Variants in NTHL1 observed in about 807,000 individuals in gnomAD.
The protein encoded by NTHL1 is nth like DNA glycosylase 1.
NTHL1 carries 32 observed loss-of-function variants against 32.3 expected under a neutral mutation model. The ratio of observed to expected loss-of-function variants is 0.99; its 90% CI spans 0.75 to 1.33. NTHL1 has a LOEUF of 1.33. Ranked by LOEUF, NTHL1 falls within the 40% of genes most tolerant of loss-of-function variation. The pLI, the probability that NTHL1 is intolerant of heterozygous loss-of-function variation, is 0.00. For synonymous variants in NTHL1, 188 were observed against 176.9 expected (o/e 1.06, Z -0.50); for missense variants, 501 against 414.1 (o/e 1.21, Z -1.82).
At chr16:2,042,039 C>A in intron 4 of NTHL1, 1 of 456,038 alleles carries the variant, frequency 2.2e-6, no homozygotes, top group Non-Finnish European at 4.4e-6. Flanking sequence ...AGGCTTGAGC[C>A]CTTGTACCCA....
intron 4 of NTHL1, among the ~76,000 whole-genome samples, chr16:2,041,031 G>A (rs1223168367): frequency 2.6e-5 from 4 of 152,214 alleles, no homozygotes; most frequent in South Asian, 2.1e-4. Context: ...CACCCCAGGC[G>A]TCTGCTCACT....
Position 2,047,534 on chromosome 16 carries a change from A to G in NTHL1, c.115+175T>C, listed in dbSNP as rs2084496543. On this transcript the variant is annotated intron_variant, in intron 1 of 5. Coordinates refer to ENST00000651570, the MANE Select transcript of NTHL1 (RefSeq NM_002528.7). The stretch of plus-strand genomic sequence containing the variant: ...CGAAACCCAGCCCCTGCGGACCGCA[A>G]TCTTTGGGAAAAAGGCGCAAGGTGG... 4 of 1,126,334 alleles carry G rather than the reference A, an allele frequency of 3.6e-6. No homozygotes were observed. In the South Asian group the frequency reaches 6.7e-5, roughly 19 times the overall value. 69.8% of individuals were successfully genotyped at this position (1,126,334 alleles called of 1,614,324 possible).
chr16:2,045,420 C>T (rs2084331808), intron 2 of NTHL1, among the ~76,000 whole-genome samples: 1 of 152,144 alleles, frequency 6.6e-6, no homozygotes, highest in Admixed American at 6.5e-5. Flanking sequence ...CTTCGTGAAT[C>T]ATCACACTAC....
Position 2,044,564 on chromosome 16 carries a change from C to G in NTHL1, c.525+66G>C. On this transcript the variant is annotated intron_variant, in intron 3 of 5. Coordinates refer to ENST00000651570, the MANE Select transcript of NTHL1 (RefSeq NM_002528.7). This position sits in a 1 kb window ranked among gnomAD's most constrained non-coding sequence, Gnocchi z 5.0. Reference sequence around the variant, plus strand: ...CACTTCCTGCACCGTCGCCACCCCCCTCAGCCTTCTGAGGTCTCTCTCAGG... The same window carrying G: ...CACTTCCTGCACCGTCGCCACCCCCGTCAGCCTTCTGAGGTCTCTCTCAGG... 6.3e-7 allele frequency: 1 copy of G among 1,590,666 alleles called. No homozygotes were observed. Among genetic ancestry groups the G allele is most frequent in the Non-Finnish European group, 8.5e-7 (1 of 1,174,608 alleles).
chr16:2,047,697 G>A lies in NTHL1; in HGVS notation c.115+12C>T, dbSNP rs1298293435. ...CGCCTCCTCCCACGCTCCAGCCACGGCGCGGCGCTACCTGCTGCAGCCTCT... is the reference window on the plus strand; with the variant it reads ...CGCCTCCTCCCACGCTCCAGCCACGACGCGGCGCTACCTGCTGCAGCCTCT... On this transcript the variant is annotated intron_variant, in intron 1 of 5. Coordinates refer to ENST00000651570, the MANE Select transcript of NTHL1 (RefSeq NM_002528.7). The A allele has an allele frequency of 1.3e-6, 2 of 1,570,540 alleles. No homozygotes were observed. Among genetic ancestry groups the A allele is most frequent in the East Asian group, 2.3e-5 (1 of 42,592 alleles).
At chr16:2,042,244 C>T (rs950071514) in intron 4 of NTHL1, 39 of 381,620 alleles carry the variant, frequency 1.0e-4, no homozygotes, top group African/African-American at 8.0e-4. Context: ...CCCCCACAGC[C>T]CTGCCCAACC....
In NTHL1 at chr16:2,040,007, C is replaced by G. The variant is rs139309757; in HGVS notation, c.832G>C (p.Gly278Arg). ...HEINGLLVGF[G>R]QQTCLPVHPR... ...TGCACAGGCAGACAGGTCTGCTGGC[C>G]GAAGCCCACCAAGAGTCCATTGATC... Residue 278 changes from glycine to arginine, a missense_variant, in exon 6 of 6, where the codon GGC becomes CGC. Gly to Arg is a moderately radical substitution (Grantham distance 125, BLOSUM62 -2). Coordinates refer to ENST00000651570, the MANE Select transcript of NTHL1 (RefSeq NM_002528.7). 1.2e-6 allele frequency: 2 copies of G among 1,611,498 alleles called. No individual in the cohort carries two copies. Among genetic ancestry groups the G allele is most frequent in the South Asian group, 2.2e-5 (2 of 91,082 alleles).
At position 2,046,226 on chromosome 16, in the gene NTHL1, G is replaced by C. The variant is rs2084372140; in HGVS notation, c.256C>G (p.Gln86Glu). 6.2e-7 allele frequency: 1 copy of C among 1,613,192 alleles called. No individual in the cohort carries two copies. Among genetic ancestry groups the C allele is most frequent in the South Asian group, 1.1e-5 (1 of 91,078 alleles). Residue 86 changes from glutamine (Q) to glutamate (E), a missense_variant, in exon 2 of 6, where the codon CAA becomes GAA. Gln to Glu is a conservative substitution (Grantham distance 29, BLOSUM62 2). Coordinates refer to ENST00000651570, the MANE Select transcript of NTHL1 (RefSeq NM_002528.7). The stretch of plus-strand genomic sequence containing the variant: ...ATGGCACGGATGTTGACCAGCTGTT[G>C]CTGCCAGTCCTGGGGCTCCCAGACT... The part of the protein sequence containing the change: ...VPVWEPQDWQ[Q>E]QLVNIRAMRN...
At position 2,045,058 on chromosome 16, in the gene NTHL1, C is replaced by T. The variant is rs145242456; in HGVS notation, c.355-258G>A. On this transcript the variant is annotated intron_variant, in intron 2 of 5. Coordinates refer to ENST00000651570, the MANE Select transcript of NTHL1 (RefSeq NM_002528.7). ...CTCAGTGCTTAGAATCGTATGTGGCCGGGCGTGGTGGCTCGCACCCGTCAT... is the reference window on the plus strand; with the variant it reads ...CTCAGTGCTTAGAATCGTATGTGGCTGGGCGTGGTGGCTCGCACCCGTCAT... Among the ~76,000 whole-genome samples the T allele has an allele frequency of 1.3e-3, 197 of 152,288 alleles. 3 individuals carry two copies. The highest frequency in any genetic ancestry group is 3.9e-3 in the South Asian group (19 of 4,822).
intron 4 of NTHL1, chr16:2,042,131 T>G (rs752506606): frequency 4.2e-5 from 19 of 455,460 alleles, no homozygotes; most frequent in South Asian, 2.9e-4. Context: ...TTGCAGGTGG[T>G]CAGGCCCACA....
chr16:2,042,556 G>C (rs1483376077), intron 4 of NTHL1, among the ~76,000 whole-genome samples: 1 of 152,116 alleles, frequency 6.6e-6, no homozygotes, highest in Non-Finnish European at 1.5e-5. Context: ...GCCTGGGATG[G>C]GGGCACACAG....
chr16:2,046,331 G>A lies in NTHL1; in HGVS notation c.151C>T (p.Arg51Trp), dbSNP rs376907606. 1.9e-5 allele frequency: 30 copies of A among 1,610,366 alleles called. No individual in the cohort carries two copies. Among genetic ancestry groups the A allele is most frequent in the Middle Eastern group, 1.6e-4 (1 of 6,074 alleles). ...RKSHSPVKRP[R>W]KAQRLRVAYE... is the part of the protein sequence containing the mutation. ...GCCACACGCAGTCTCTGTGCTTTCC[G>A]CGGACGCTTCACGGGGCTGTGGCTT... Residue 51 changes from arginine to tryptophan, a missense_variant, in exon 2 of 6, where the codon CGG becomes TGG. Coordinates refer to ENST00000651570, the MANE Select transcript of NTHL1 (RefSeq NM_002528.7).
chr16:2,041,467 T>C (rs531295315), intron 4 of NTHL1, among the ~76,000 whole-genome samples: 33 of 150,562 alleles, frequency 2.2e-4, no homozygotes, highest in Non-Finnish European at 1.9e-4. Flanking sequence ...TTAAACGGAG[T>C]CTTGCTCTGT....
intron 4 of NTHL1, among the ~76,000 whole-genome samples, chr16:2,041,288 CGTT>C (rs1340278907): frequency 1.3e-5 from 2 of 152,238 alleles, no homozygotes; most frequent in Non-Finnish European, 2.9e-5. Flanking sequence ...GGCCACGTCA[CGTT>C]GTGTGAGCCT....
Position 2,046,329 on chromosome 16 carries a change from C to G in NTHL1, c.153G>C (p.Arg51=), listed in dbSNP as rs2150947349. The change falls in exon 2 of 6, where the codon CGG becomes CGC. Residue 51 remains arginine (R), a synonymous_variant. Coordinates refer to ENST00000651570, the MANE Select transcript of NTHL1 (RefSeq NM_002528.7). The part of the protein sequence containing the change: ...RKSHSPVKRP[R]KAQRLRVAYE... ...AGGCCACACGCAGTCTCTGTGCTTT[C>G]CGCGGACGCTTCACGGGGCTGTGGC... 1 of 1,610,690 alleles carries G rather than the reference C, an allele frequency of 6.2e-7. No homozygotes were observed. Among genetic ancestry groups the G allele is most frequent in the Non-Finnish European group, 8.5e-7 (1 of 1,178,080 alleles).
chr16:2,045,072 C>T (rs1241806460), intron 2 of NTHL1, among the ~76,000 whole-genome samples: 4 of 152,140 alleles, frequency 2.6e-5, no homozygotes, highest in African/African-American at 4.8e-5. Context: ...CGTGGTGGCT[C>T]GCACCCGTCA....
Position 2,044,321 on chromosome 16 carries a change from C to G in NTHL1, c.525+309G>C, listed in dbSNP as rs1351147956. On this transcript the variant is annotated intron_variant, in intron 3 of 5. Transcript: ENST00000651570. This position sits in a 1 kb window ranked among gnomAD's most constrained non-coding sequence, Gnocchi z 5.0. ...GCTCTGGACAGGAGGGGGTGACACACCGGGAGAGGCTAGCAGTAAACAAAG... is the reference window on the plus strand; with the variant it reads ...GCTCTGGACAGGAGGGGGTGACACAGCGGGAGAGGCTAGCAGTAAACAAAG... 1.3e-5 allele frequency among the ~76,000 whole-genome samples: 2 copies of G among 152,156 alleles called. No individual in the cohort carries two copies. The highest frequency in any genetic ancestry group is 2.9e-5 in the Non-Finnish European group (2 of 68,020).
rs745671590 is a variant in NTHL1 at position 2,046,270 on chromosome 16, G to GC, written c.211dup (p.Ala71GlyfsTer2). 7.4e-6 allele frequency: 12 copies of GC among 1,613,144 alleles called. No individual in the cohort carries two copies. The highest frequency in any genetic ancestry group is 1.0e-5 in the Non-Finnish European group (12 of 1,179,988). On this transcript the variant is annotated frameshift_variant, in exon 2 of 6. Coordinates refer to ENST00000651570, the MANE Select transcript of NTHL1 (RefSeq NM_002528.7). LOFTEE classifies it high-confidence loss of function. ...CCAGACTGGCACCTTGAGGGGCTCA[G>GC]CCCCCTCACCTTTCTCACTGTCCGA... is the stretch of plus-strand genomic sequence containing the variant.
chr16:2,042,035 G>C, intron 4 of NTHL1: 1 of 456,012 alleles, frequency 2.2e-6, no homozygotes, highest in Non-Finnish European at 4.4e-6. Context: ...TTACAGGCTT[G>C]AGCCCTTGTA....
Sources: allele counts gnomAD v4.1 joint callset (sites outside exome capture counted in the v4.1 genomes callset), GRCh38; gene constraint gnomAD v4.1.1; non-coding constraint Gnocchi (gnomAD v3.1); transcripts MANE v1.5; gene names NCBI Gene and HGNC (gene_info 2026-07-23, HGNC 2026-07-21).